CSMD3: variants seen among roughly 807,000 people sequenced by gnomAD.
CSMD3 encodes CUB and sushi domain-containing protein 3.
Under a neutral mutation model 435.2 loss-of-function variants are expected in CSMD3, and 177 were observed. The observed-to-expected ratio is 0.41, with a 90% CI of 0.36 to 0.46. The LOEUF (loss-of-function observed/expected upper bound fraction) is 0.46. CSMD3 is among the 20% of genes least tolerant of loss of function. The pLI is 0.34. For missense variants in CSMD3, 4,265 were observed against 4,504.6 expected (o/e 0.95, Z 1.52); for synonymous variants, 1,656 against 1,520.5 (o/e 1.09, Z -2.07).
Position 113,207,352 on chromosome 8 carries a change from T to C in CSMD3, c.515-33436A>G, listed in dbSNP as rs906610496. 2.6e-5 allele frequency among the ~76,000 whole-genome samples: 4 copies of C among 151,814 alleles called. No homozygotes were observed. In the East Asian group the frequency reaches 7.7e-4, roughly 29 times the overall value. Reference sequence around the variant, plus strand: ...TTTTCCCAAACTTCTGATCTTTTTTTCTCCCGAAATATAATAAACATCAAT... The same window carrying C: ...TTTTCCCAAACTTCTGATCTTTTTTCCTCCCGAAATATAATAAACATCAAT... On this transcript the variant is annotated intron_variant, in intron 3 of 70. Coordinates refer to ENST00000297405, the MANE Select transcript of CSMD3 (RefSeq NM_198123.2).
In CSMD3 at chr8:112,755,331, A is replaced by AAATAATAATAATAAT. The variant is rs71309790; in HGVS notation, c.1972+44816_1972+44830dup. Among the ~76,000 whole-genome samples the AAATAATAATAATAAT allele has an allele frequency of 1.9e-3, 239 of 128,712 alleles. 1 individual carries two copies. Among genetic ancestry groups the AAATAATAATAATAAT allele is most frequent in the African/African-American group, 2.7e-3 (88 of 32,014 alleles). The allele number at this position is 128,712 out of a possible 152,430, so 84.4% of individuals were successfully genotyped here. On this transcript the variant is annotated intron_variant, in intron 13 of 70. Coordinates refer to ENST00000297405, the MANE Select transcript of CSMD3 (RefSeq NM_198123.2). ...GGGCGACGGAGGGAGACTCCGTCTC[A>AAATAATAATAATAAT]AATAATAATAATAATAATAATAATA...
At chr8:112,855,809 C>CTTTTT (rs34885472) in intron 11 of CSMD3, among the ~76,000 whole-genome samples, 72 of 135,506 alleles carry the variant, frequency 5.3e-4, no homozygotes, top group East Asian at 2.0e-3. Flanking sequence ...CTTAGCGAAG[C>CTTTTT]TTTTTTTTTT....
intron 38 of CSMD3, among the ~76,000 whole-genome samples, chr8:112,365,622 T>C (rs773946771): frequency 6.6e-6 from 1 of 151,968 alleles, no homozygotes; most frequent in Non-Finnish European, 1.5e-5. Flanking sequence ...AAAAATTACA[T>C]GAAGAACAAA....
chr8:112,865,324 C>A (rs1464188395), intron 10 of CSMD3, among the ~76,000 whole-genome samples: 1 of 152,056 alleles, frequency 6.6e-6, no homozygotes, highest in African/African-American at 2.4e-5. Flanking sequence ...CTTTTTTGCA[C>A]AGAATATATC....
At chr8:112,877,344 C>T (rs1047955298) in intron 10 of CSMD3, among the ~76,000 whole-genome samples, 3 of 151,910 alleles carry the variant, frequency 2.0e-5, no homozygotes, top group Non-Finnish European at 4.4e-5. Flanking sequence ...CGGCTCACTG[C>T]AACCTCTGCC....
At chr8:113,302,257 T>TAA (rs1469208044) in intron 2 of CSMD3, among the ~76,000 whole-genome samples, 2 of 131,548 alleles carry the variant, frequency 1.5e-5, no homozygotes, top group Non-Finnish European at 3.2e-5. Flanking sequence ...ATATATTATA[T>TAA]AAAATATATA....
intron 4 of CSMD3, among the ~76,000 whole-genome samples, chr8:113,165,367 T>C (rs534897849): frequency 2.6e-5 from 4 of 152,306 alleles, no homozygotes; most frequent in African/African-American, 9.6e-5. Flanking sequence ...TCTTCAAAAA[T>C]GTAAACTTTC....
At chr8:112,796,394 C>T (rs527714899) in intron 13 of CSMD3, among the ~76,000 whole-genome samples, 107 of 152,132 alleles carry the variant, frequency 7.0e-4, no homozygotes, top group Middle Eastern at 3.4e-3. Flanking sequence ...CATCATGGTG[C>T]TTAAATCCTA....
intron 53 of CSMD3, among the ~76,000 whole-genome samples, chr8:112,298,151 A>C (rs185103405): frequency 6.6e-6 from 1 of 151,738 alleles, no homozygotes; most frequent in South Asian, 2.1e-4. Context: ...TGTTTTTAGA[A>C]GCCAATTTTC....
chr8:112,876,584 C>T (rs575495290), intron 10 of CSMD3, among the ~76,000 whole-genome samples: 1 of 152,244 alleles, frequency 6.6e-6, no homozygotes, highest in South Asian at 2.1e-4. Context: ...ACAAAAACCA[C>T]ATGATTATCT....
chr8:112,271,178 T>G (rs1817498508), intron 59 of CSMD3, among the ~76,000 whole-genome samples: 1 of 152,188 alleles, frequency 6.6e-6, no homozygotes, highest in African/African-American at 2.4e-5. Flanking sequence ...CCTGCAGACT[T>G]ATTTATTGAC....
At chr8:113,262,729 A>G (rs1563622023) in intron 3 of CSMD3, among the ~76,000 whole-genome samples, 1 of 152,068 alleles carries the variant, frequency 6.6e-6, no homozygotes, top group African/African-American at 2.4e-5. Flanking sequence ...ATAGCTAGCA[A>G]GAAAATAGAG....
At chr8:112,668,159 G>GTC (rs1182036088) in intron 16 of CSMD3, among the ~76,000 whole-genome samples, 1 of 151,962 alleles carries the variant, frequency 6.6e-6, no homozygotes, top group Non-Finnish European at 1.5e-5. Flanking sequence ...TTCCTAAAAA[G>GTC]CTAGTTTTAA....
chr8:112,509,069 G>C (rs1027421107), intron 28 of CSMD3, among the ~76,000 whole-genome samples: 2 of 151,388 alleles, frequency 1.3e-5, no homozygotes, highest in African/African-American at 4.8e-5. Context: ...ATTACTTAGA[G>C]AGTCTAGATT....
chr8:112,531,298 A>T (rs1422423564), intron 27 of CSMD3, among the ~76,000 whole-genome samples: 1 of 152,162 alleles, frequency 6.6e-6, no homozygotes, highest in African/African-American at 2.4e-5. Flanking sequence ...AGGATGGAAC[A>T]AACCCAAATC....
intron 52 of CSMD3, among the ~76,000 whole-genome samples, chr8:112,304,090 A>G (rs1478975372): frequency 6.6e-6 from 1 of 152,174 alleles, no homozygotes. Flanking sequence ...TGGAAATAAA[A>G]CGCCTTAACT....
intron 20 of CSMD3, among the ~76,000 whole-genome samples, chr8:112,639,197 A>C (rs1320375165): frequency 6.6e-6 from 1 of 152,108 alleles, no homozygotes; most frequent in Non-Finnish European, 1.5e-5. Context: ...TGAAAATTTC[A>C]AGAGAAATAC....
intron 6 of CSMD3, among the ~76,000 whole-genome samples, chr8:113,006,062 G>A (rs1391555696): frequency 6.6e-6 from 1 of 152,016 alleles, no homozygotes; most frequent in East Asian, 1.9e-4. Context: ...AAGACTACAA[G>A]TTTTATCTAG....
chr8:112,259,666 T>C (rs1563700940), intron 61 of CSMD3, among the ~76,000 whole-genome samples: 2 of 152,018 alleles, frequency 1.3e-5, no homozygotes. Context: ...ACAAAAAACA[T>C]TGGTTTACTG....
Sources: gnomAD v4.1 joint callset for allele counts (sites outside exome capture counted in the v4.1 genomes callset) on GRCh38, gnomAD v4.1.1 for gene constraint, MANE v1.5 for transcripts, NCBI Gene and HGNC (gene_info 2026-07-23, HGNC 2026-07-21) for gene names.